LRIF1: variants seen among roughly 807,000 people sequenced by gnomAD.
LRIF1 encodes the protein ligand-dependent nuclear receptor-interacting factor 1.
LRIF1 carries 32 observed loss-of-function variants against 52.7 expected under a neutral mutation model. That is an observed-to-expected ratio of 0.61 (90% CI 0.46 to 0.82). The LOEUF (loss-of-function observed/expected upper bound fraction) is 0.82. LRIF1 is among the 40% of genes least tolerant of loss of function. LRIF1 has a pLI of 0.00. For missense variants in LRIF1, 887 were observed against 892.0 expected, an observed-to-expected ratio of 0.99 and a Z score of 0.07; for synonymous variants, 323 against 317.4, an observed-to-expected ratio of 1.02 and a Z score of -0.19.
chr1:110,959,063 G>A (rs1658838146), intron 1 of LRIF1, among the ~76,000 whole-genome samples: 1 of 152,134 alleles, frequency 6.6e-6, no homozygotes, highest in Admixed American at 6.5e-5. Flanking sequence ...ATCATATTCT[G>A]CGGGCTAATG....
the LRIF1 span, among the ~76,000 whole-genome samples, chr1:110,918,904 T>C: frequency 6.6e-6 from 1 of 152,212 alleles, no homozygotes; most frequent in Non-Finnish European, 1.5e-5. Context: ...AAGGAGTTTC[T>C]CTGCCAGCAA....
At chr1:110,901,316 TACAAGCAC>T in the LRIF1 span, among the ~76,000 whole-genome samples, 1 of 151,992 alleles carries the variant, frequency 6.6e-6, no homozygotes, top group Non-Finnish European at 1.5e-5. Flanking sequence ...TAGCTGAGAT[TACAAGCAC>T]ACGCCACCAC....
At chr1:110,901,905 C>A in the LRIF1 span, among the ~76,000 whole-genome samples, 2 of 152,216 alleles carry the variant, frequency 1.3e-5, no homozygotes, top group African/African-American at 4.8e-5. Context: ...GATAACATCA[C>A]CCACCTAGTT....
At chr1:110,933,612 T>C in the LRIF1 span, among the ~76,000 whole-genome samples, 1 of 152,266 alleles carries the variant, frequency 6.6e-6, no homozygotes, top group Non-Finnish European at 1.5e-5. Flanking sequence ...GAAACTCACC[T>C]GATGCCCACC....
chr1:110,881,245 TCACCTCCTGCCCTCCCC>T, the LRIF1 span, among the ~76,000 whole-genome samples: 1 of 152,110 alleles, frequency 6.6e-6, no homozygotes, highest in Non-Finnish European at 1.5e-5. Context: ...CCCTCTCTAC[TCACCTCCTGCCCTCCCC>T]CACCTTCATC....
chr1:110,896,559 C>A, the LRIF1 span: 1 of 1,142,536 alleles, frequency 8.8e-7, no homozygotes, highest in Non-Finnish European at 1.3e-6. Flanking sequence ...GCTATAGAGT[C>A]AGATCTGAAG....
At chr1:110,959,988 G>C (rs1658880518) in intron 1 of LRIF1, among the ~76,000 whole-genome samples, 1 of 151,702 alleles carries the variant, frequency 6.6e-6, no homozygotes, top group African/African-American at 2.4e-5. Context: ...TATACATATA[G>C]AACATAATAT....
chr1:110,897,868 C>G, the LRIF1 span: 1 of 1,610,312 alleles, frequency 6.2e-7, no homozygotes, highest in Non-Finnish European at 8.5e-7. Context: ...TCGGAATCAT[C>G]ACCATCTGTG....
the LRIF1 span, chr1:110,940,845 G>A: frequency 6.6e-6 from 1 of 152,094 alleles, no homozygotes; most frequent in Non-Finnish European, 1.5e-5. Flanking sequence ...TTGGGCACTG[G>A]AGGGGGAGGT....
At chr1:110,913,557 T>C in the LRIF1 span, among the ~76,000 whole-genome samples, 1 of 152,096 alleles carries the variant, frequency 6.6e-6, no homozygotes, top group African/African-American at 2.4e-5. Context: ...ATGCTCAACA[T>C]CACTTATCAT....
the LRIF1 span, among the ~76,000 whole-genome samples, chr1:110,911,092 C>T: frequency 6.6e-6 from 1 of 151,878 alleles, no homozygotes; most frequent in East Asian, 1.9e-4. Context: ...TAAACAGGAA[C>T]AGTAGCTCAC....
the LRIF1 span, among the ~76,000 whole-genome samples, chr1:110,911,939 C>A: frequency 1.3e-5 from 2 of 152,062 alleles, no homozygotes; most frequent in Admixed American, 1.3e-4. Flanking sequence ...CCTTGAGAAC[C>A]AGCACAAGAC....
chr1:110,914,298 A>G, the LRIF1 span, among the ~76,000 whole-genome samples: 19 of 152,150 alleles, frequency 1.2e-4, no homozygotes, highest in African/African-American at 4.1e-4. Context: ...GTATCCCCTG[A>G]ACCTAAAATA....
chr1:110,958,922 T>C (rs550440170), intron 1 of LRIF1, among the ~76,000 whole-genome samples: 6 of 152,352 alleles, frequency 3.9e-5, no homozygotes, highest in African/African-American at 1.4e-4. Context: ...ATCTGCAGAA[T>C]GCTAAGAAGT....
intron 1 of LRIF1, among the ~76,000 whole-genome samples, chr1:110,959,305 G>C (rs1658850295): frequency 6.6e-6 from 1 of 152,242 alleles, no homozygotes; most frequent in Admixed American, 6.5e-5. Flanking sequence ...TATCCTCTTT[G>C]AATCTGTTTC....
At chr1:110,941,769 C>T in the LRIF1 span, 15 of 152,120 alleles carry the variant, frequency 9.9e-5, no homozygotes, top group East Asian at 2.9e-3. Flanking sequence ...AATTATGATT[C>T]CAAGAGTCAG....
At chr1:110,883,912 C>T in the LRIF1 span, among the ~76,000 whole-genome samples, 1 of 151,764 alleles carries the variant, frequency 6.6e-6, no homozygotes, top group Non-Finnish European at 1.5e-5. Context: ...TCTTTGTTCT[C>T]TATTTTAAAA....
the LRIF1 span, among the ~76,000 whole-genome samples, chr1:110,908,906 C>T: frequency 7.0e-3 from 1,064 of 152,196 alleles, 6 homozygotes; most frequent in Non-Finnish European, 0.012. Context: ...AGATATTATG[C>T]AAGATGACCA....
intron 1 of LRIF1, among the ~76,000 whole-genome samples, chr1:110,961,089 C>G (rs1301007782): frequency 2.0e-5 from 3 of 152,190 alleles, no homozygotes; most frequent in African/African-American, 7.2e-5. Flanking sequence ...TCTGCATAAG[C>G]ATATCCTGCT....
Sources: allele counts gnomAD v4.1 joint callset (sites outside exome capture counted in the v4.1 genomes callset), GRCh38; gene constraint gnomAD v4.1.1; transcripts MANE v1.5; gene names NCBI Gene and HGNC (gene_info 2026-07-23, HGNC 2026-07-21).